SCFD2: variants seen among roughly 807,000 people sequenced by gnomAD.
SCFD2 encodes sec1 family domain-containing protein 2.
In SCFD2, 54 loss-of-function variants were observed where a neutral mutation model predicts 58.9. The observed-to-expected ratio is 0.92, with a 90% CI of 0.74 to 1.15. The LOEUF is 1.15. SCFD2 is among the 50% of genes most tolerant of loss of function. SCFD2 has a pLI of 0.00. For missense variants in SCFD2, 805 were observed against 836.6 expected, an observed-to-expected ratio of 0.96 and a Z score of 0.47; for synonymous variants, 321 against 335.9, an observed-to-expected ratio of 0.96 and a Z score of 0.49.
At chr4:53,363,278 G>T (rs1734598600) in intron 1 of SCFD2, among the ~76,000 whole-genome samples, 1 of 151,784 alleles carries the variant, frequency 6.6e-6, no homozygotes, top group Non-Finnish European at 1.5e-5. Flanking sequence ...GGGACTACAG[G>T]TCACCACACC....
At chr4:53,234,018 G>A (rs1278141024) in intron 4 of SCFD2, among the ~76,000 whole-genome samples, 1 of 152,014 alleles carries the variant, frequency 6.6e-6, no homozygotes, top group Non-Finnish European at 1.5e-5. Flanking sequence ...CAGAATCTAG[G>A]ACTTATTTTT....
intron 4 of SCFD2, among the ~76,000 whole-genome samples, chr4:53,252,401 A>T (rs1190990387): frequency 2.0e-5 from 3 of 151,398 alleles, no homozygotes; most frequent in African/African-American, 7.3e-5. Context: ...GTTCATATGG[A>T]ACCAAAAAAG....
chr4:53,183,893 A>G (rs561050354), intron 4 of SCFD2, among the ~76,000 whole-genome samples: 2 of 152,262 alleles, frequency 1.3e-5, no homozygotes, highest in African/African-American at 4.8e-5. Context: ...TCTTGGCTTC[A>G]TATCTGCATA....
chr4:53,061,949 C>T (rs1723524791), intron 5 of SCFD2, among the ~76,000 whole-genome samples: 1 of 152,100 alleles, frequency 6.6e-6, no homozygotes, highest in South Asian at 2.1e-4. Flanking sequence ...AGAGAGCTAG[C>T]TGGCCTGATG....
At position 53,177,130 on chromosome 4, in the gene SCFD2, G is replaced by A. The variant is rs563764023; in HGVS notation, c.1312-31548C>T. ...TTTTACATTTCTTTAACAAATGTGTGTTCAGGCACTGAGTGCCAGATAGAA... is the reference window on the plus strand; with the variant it reads ...TTTTACATTTCTTTAACAAATGTGTATTCAGGCACTGAGTGCCAGATAGAA... On this transcript the variant is annotated intron_variant, in intron 4 of 8. Transcript: ENST00000401642. 4.6e-5 allele frequency among the ~76,000 whole-genome samples: 7 copies of A among 152,082 alleles called. No individual in the cohort carries two copies. In the South Asian group the frequency reaches 1.5e-3, roughly 32 times the overall value.
intron 5 of SCFD2, among the ~76,000 whole-genome samples, chr4:52,981,708 G>T (rs1721378274): frequency 6.6e-6 from 1 of 152,172 alleles, no homozygotes; most frequent in African/African-American, 2.4e-5. Flanking sequence ...GAGTCAAAAA[G>T]AATTTGGAAG....
At chr4:52,883,283 G>A (rs562523608) in intron 8 of SCFD2, among the ~76,000 whole-genome samples, 28 of 152,164 alleles carry the variant, frequency 1.8e-4, no homozygotes, top group Non-Finnish European at 2.9e-4. Context: ...AGGGAGACCC[G>A]CCACAGCATG....
intron 5 of SCFD2, among the ~76,000 whole-genome samples, chr4:53,092,970 G>A (rs949514509): frequency 6.6e-6 from 1 of 152,120 alleles, no homozygotes; most frequent in East Asian, 1.9e-4. Flanking sequence ...ACAAGAGTGA[G>A]TCACGTGGAT....
intron 5 of SCFD2, among the ~76,000 whole-genome samples, chr4:52,943,614 T>C (rs1327774566): frequency 6.6e-6 from 1 of 152,162 alleles, no homozygotes; most frequent in Non-Finnish European, 1.5e-5. Flanking sequence ...ACCCCCTCCA[T>C]AGAGCCCCTT....
At chr4:53,283,932 A>G (rs947214094) in intron 3 of SCFD2, among the ~76,000 whole-genome samples, 3 of 151,806 alleles carry the variant, frequency 2.0e-5, no homozygotes, top group Non-Finnish European at 4.4e-5. Context: ...CCTGGTTAAC[A>G]CAGTGAAACC....
At chr4:52,998,874 G>A (rs1166930032) in intron 5 of SCFD2, among the ~76,000 whole-genome samples, 1 of 152,132 alleles carries the variant, frequency 6.6e-6, no homozygotes, top group East Asian at 1.9e-4. Flanking sequence ...AACACATTTT[G>A]GGGTGTTATG....
chr4:52,891,893 G>A (rs528653062), intron 7 of SCFD2, among the ~76,000 whole-genome samples: 25 of 152,298 alleles, frequency 1.6e-4, no homozygotes, highest in African/African-American at 5.8e-4. Context: ...CTCCTTGGAG[G>A]GCTCCTCTTG....
chr4:53,264,029 GA>G (rs1730907691), intron 4 of SCFD2, among the ~76,000 whole-genome samples: 1 of 152,124 alleles, frequency 6.6e-6, no homozygotes, highest in African/African-American at 2.4e-5. Context: ...TTCCCAGGGG[GA>G]TTATAGCTGC....
chr4:52,922,132 T>A (rs1293151858), intron 5 of SCFD2, among the ~76,000 whole-genome samples: 1 of 152,186 alleles, frequency 6.6e-6, no homozygotes, highest in Non-Finnish European at 1.5e-5. Flanking sequence ...CACATCCTTG[T>A]CTCAAGATAG....
At chr4:52,904,326 G>A (rs1411297172) in intron 7 of SCFD2, among the ~76,000 whole-genome samples, 1 of 152,200 alleles carries the variant, frequency 6.6e-6, no homozygotes, top group African/African-American at 2.4e-5. Context: ...TTGCCTTTTT[G>A]TGTCTTTCTG....
chr4:53,224,300 G>A (rs6554077), intron 4 of SCFD2, among the ~76,000 whole-genome samples: 104,658 of 150,890 alleles, frequency 0.69, 36,511 homozygotes, highest in Middle Eastern at 0.78. Flanking sequence ...AAGGTAGGAG[G>A]ATCGCTTGAA....
At chr4:52,949,319 G>A (rs765157913) in intron 5 of SCFD2, 3 of 151,334 alleles carry the variant, frequency 2.0e-5, no homozygotes, top group East Asian at 3.9e-4. Context: ...TTTAACAATG[G>A]CATCTTTTCC....
intron 5 of SCFD2, among the ~76,000 whole-genome samples, chr4:53,001,597 T>G (rs745798891): frequency 4.6e-5 from 7 of 152,240 alleles, no homozygotes; most frequent in Non-Finnish European, 1.0e-4. Flanking sequence ...ATAGTAAGAT[T>G]ATTATTTTAG....
intron 5 of SCFD2, among the ~76,000 whole-genome samples, chr4:53,005,404 G>A (rs142060401): frequency 6.8e-4 from 103 of 152,302 alleles, no homozygotes; most frequent in African/African-American, 2.3e-3. Context: ...ACCCTGCTCA[G>A]CAAAGAACAA....
Sources: gnomAD v4.1 joint callset for allele counts (sites outside exome capture counted in the v4.1 genomes callset) on GRCh38, gnomAD v4.1.1 for gene constraint, MANE v1.5 for transcripts, NCBI Gene and HGNC (gene_info 2026-07-23, HGNC 2026-07-21) for gene names.